The following SH3GL1 variants were observed in gnomAD, a reference collection of about 807,000 sequenced individuals.
SH3GL1 encodes SH3 domain containing GRB2 like 1, endophilin A2, also known as endophilin-A2.
A neutral mutation model predicts 48.8 loss-of-function variants in SH3GL1; 21 were observed. The observed-to-expected ratio is 0.43, with a 90% CI of 0.30 to 0.62. The LOEUF is 0.62. Ranked by LOEUF, SH3GL1 falls within the 20% of genes least tolerant of loss-of-function variation. SH3GL1 has a pLI of 0.11. For missense variants in SH3GL1, 454 were observed against 503.0 expected (o/e 0.90, Z 0.93); for synonymous variants, 282 against 217.5 (o/e 1.30, Z -2.61).
intron 1 of SH3GL1, among the ~76,000 whole-genome samples, chr19:4,375,898 T>C (rs561319004): frequency 8.5e-5 from 13 of 152,336 alleles, no homozygotes; most frequent in African/African-American, 2.9e-4. Context: ...ATGGAGGATC[T>C]GCGTCCAGGG....
At position 4,389,082 on chromosome 19, in the gene SH3GL1, C is replaced by A. The variant is rs1323048813; in HGVS notation, c.45+11242G>T. ...GCCACCACCAGGGACACCACAGGGG[C>A]CCTGTGGAGGACAGCCCCTCACTCT... On this transcript the variant is annotated intron_variant, in intron 1 of 9. Transcript: ENST00000269886. The surrounding 1 kb of genome is among the most constrained non-coding windows in gnomAD (Gnocchi z 4.5). Among the ~76,000 whole-genome samples, 1 of 152,182 alleles carries A rather than the reference C, an allele frequency of 6.6e-6. No individual in the cohort carries two copies. The highest frequency in any genetic ancestry group is 1.5e-5 in the Non-Finnish European group (1 of 68,014).
In SH3GL1 at chr19:4,364,162, G is replaced by A. The variant is rs779835040; in HGVS notation, c.391C>T (p.Leu131=). ...AAGTTCTGCTTGACCTCGATGTCCA[G>A]GGAGTCCTTCACCTCTGCCAGGCGC... is the stretch of plus-strand genomic sequence containing the variant. The part of the protein sequence containing the change: ...MKRLAEVKDS[L]DIEVKQNFID... The change falls in exon 5 of 10, where the codon CTG becomes TTG. Residue 131 remains leucine, a synonymous_variant. Transcript: ENST00000269886. 3.7e-6 allele frequency: 6 copies of A among 1,613,958 alleles called. No individual in the cohort carries two copies. In the South Asian group the frequency reaches 6.6e-5, roughly 18 times the overall value.
rs1055201190 is a variant in SH3GL1, at chr19:4,376,254, T to C, written c.46-9260A>G. ...ATTTCTTTGTGACTGTGGGCCACCA[T>C]GGGCATGAGTCACCTGTCACCAGAG... is the stretch of plus-strand genomic sequence containing the variant. On this transcript the variant is annotated intron_variant, in intron 1 of 9. Transcript: ENST00000269886. The surrounding 1 kb of genome is among the most constrained non-coding windows in gnomAD (Gnocchi z 4.3). Among the ~76,000 whole-genome samples the C allele has an allele frequency of 6.6e-5, 10 of 152,188 alleles. No individual in the cohort carries two copies. The highest frequency in any genetic ancestry group is 5.9e-4 in the Admixed American group (9 of 15,284).
chr19:4,381,153 G>C (rs1973115769), intron 1 of SH3GL1, among the ~76,000 whole-genome samples: 1 of 92,366 alleles, frequency 1.1e-5, no homozygotes, highest in Admixed American at 1.5e-4. Context: ...CTGTTCCCCT[G>C]CCTCTGTCTC....
At chr19:4,391,893 A>G (rs1333625543) in intron 1 of SH3GL1, among the ~76,000 whole-genome samples, 4 of 152,222 alleles carry the variant, frequency 2.6e-5, no homozygotes, top group Non-Finnish European at 5.9e-5. Context: ...GCCGGCTCCA[A>G]TGCCTCAAGG....
chr19:4,362,510 G>C, intron 8 of SH3GL1, 102 bp downstream of exon 8: 1 of 1,580,310 alleles, frequency 6.3e-7, no homozygotes, highest in Non-Finnish European at 8.6e-7. Context: ...GCTGAGAGCT[G>C]CACCCAGGAG....
chr19:4,368,729 G>A (rs1468713918), intron 1 of SH3GL1, among the ~76,000 whole-genome samples: 1 of 152,164 alleles, frequency 6.6e-6, no homozygotes, highest in Non-Finnish European at 1.5e-5. Flanking sequence ...CCTGCCTGTG[G>A]GTTGGTGGCT....
intron 1 of SH3GL1, among the ~76,000 whole-genome samples, chr19:4,395,302 A>G (rs2144928774): frequency 6.6e-6 from 1 of 152,340 alleles, no homozygotes; most frequent in South Asian, 2.1e-4. Flanking sequence ...CTTTTGAATT[A>G]AAGGTTCACA....
intron 1 of SH3GL1, among the ~76,000 whole-genome samples, chr19:4,381,665 G>C (rs1420439231): frequency 1.6e-4 from 8 of 49,630 alleles, no homozygotes; most frequent in African/African-American, 3.4e-4. Flanking sequence ...CATTTCCCCC[G>C]CCTCTCTGTC....
At chr19:4,364,294 G>GT in intron 4 of SH3GL1, 73 bp from the exon 5 acceptor site, 1 of 1,583,128 alleles carries the variant, frequency 6.3e-7, no homozygotes, top group Non-Finnish European at 8.7e-7. Context: ...CTCAGCCTTT[G>GT]TTTTTGAAAT....
chr19:4,376,993 G>T lies in SH3GL1; in HGVS notation c.46-9999C>A, dbSNP rs1973021686. 6.6e-6 allele frequency among the ~76,000 whole-genome samples: 1 copy of T among 152,220 alleles called. No individual in the cohort carries two copies. Among genetic ancestry groups the T allele is most frequent in the African/African-American group, 2.4e-5 (1 of 41,464 alleles). On this transcript the variant is annotated intron_variant, in intron 1 of 9. Coordinates refer to ENST00000269886, the MANE Select transcript of SH3GL1 (RefSeq NM_003025.4). This position sits in a 1 kb window ranked among gnomAD's most constrained non-coding sequence, Gnocchi z 4.3. ...GCAGTGACCCGGAAGGCAGCCAGAT[G>T]ATACTCCTCCCATCACCTTCCCTTT... is the stretch of plus-strand genomic sequence containing the variant.
At position 4,363,521 on chromosome 19, in the gene SH3GL1, G is replaced by A. The variant is rs373754229; in HGVS notation, c.625-48C>T. The A allele has an allele frequency of 3.2e-4, 497 of 1,557,810 alleles. 4 individuals are homozygous for A. The South Asian group carries it at 5.3e-3, about 16-fold the overall frequency. The stretch of plus-strand genomic sequence containing the variant: ...GGGCTCCTGCCAGTGCCACTGTCCT[G>A]TGCCTTCCCTGACTCCCGAGGTGAA... On this transcript the variant is annotated intron_variant, in intron 6 of 9. Transcript: ENST00000269886.
intron 1 of SH3GL1, among the ~76,000 whole-genome samples, chr19:4,385,199 GGCGCAGTGAACGT>G (rs1423825186): frequency 2.0e-5 from 3 of 152,156 alleles, no homozygotes; most frequent in East Asian, 1.9e-4. Flanking sequence ...TGCGTGTTTT[GGCGCAGTGAACGT>G]GCGCAGTGAA....
chr19:4,365,421 G>A, intron 4 of SH3GL1, 61 bp downstream of exon 4: 3 of 1,605,240 alleles, frequency 1.9e-6, no homozygotes, highest in Non-Finnish European at 2.6e-6. Flanking sequence ...GACCTGCCCT[G>A]CCTGTGTTGA....
At chr19:4,371,813 CGCTGT>C (rs1408236557) in intron 1 of SH3GL1, among the ~76,000 whole-genome samples, 2 of 152,144 alleles carry the variant, frequency 1.3e-5, no homozygotes, top group Non-Finnish European at 2.9e-5. Context: ...TGGTGCTGCA[CGCTGT>C]GCTACAGAGC....
At position 4,364,205 on chromosome 19, in the gene SH3GL1, A is replaced by C. The variant is rs1972708328; in HGVS notation, c.348T>G (p.Asp116Glu). The change falls in exon 5 of 10, where the codon GAT (aspartate) becomes GAG (glutamate). Residue 116 changes from aspartate (D) to glutamate (E), a missense_variant. Asp to Glu is a conservative substitution (Grantham distance 45). Transcript: ENST00000269886. ...GESNFGDALL[D>E]AGESMKRLAE... ...CCAGGCGCTTCATGGACTCGCCGGC[A>C]TCCAGCAATGCGTCACCTGTGGAGA... is the stretch of plus-strand genomic sequence containing the variant. 2 of 1,613,910 alleles carry C rather than the reference A, an allele frequency of 1.2e-6. No homozygotes were observed. Among genetic ancestry groups the C allele is most frequent in the Non-Finnish European group, 1.7e-6 (2 of 1,180,038 alleles).
Position 4,365,488 on chromosome 19 carries a change from T to G in SH3GL1, c.325A>C (p.Asn109His), listed in dbSNP as rs762848850. ...RHGKELGGES[N>H]FGDALLDAGE... ...TCCAGAGAGCACCACTCACCAAAGT[T>G]GGACTCGCCGCCCAGCTCCTTCCCG... Residue 109 changes from asparagine to histidine, a missense_variant, in exon 4 of 10, where the codon AAC becomes CAC. This residue lies in a region of SH3GL1 where 176 missense variants were observed against 256.2 expected (regional missense o/e 0.69). Transcript: ENST00000269886. The G allele has an allele frequency of 6.2e-7, 1 of 1,613,668 alleles. No individual in the cohort carries two copies. The highest frequency in any genetic ancestry group is 8.5e-7 in the Non-Finnish European group (1 of 1,180,016).
In SH3GL1 at chr19:4,364,216, C is replaced by T. The variant is rs757104640; in HGVS notation, c.337G>A (p.Ala113Thr). 6.8e-6 allele frequency: 11 copies of T among 1,613,792 alleles called. No homozygotes were observed. The highest frequency in any genetic ancestry group is 1.6e-4 in the Middle Eastern group (1 of 6,084). Residue 113 changes from alanine (A) to threonine (T), a missense_variant, in exon 5 of 10, where the codon GCA becomes ACA. Physicochemically the swap from Ala to Thr is moderately conservative, Grantham distance 58. Transcript: ENST00000269886. ...ELGGESNFGD[A>T]LLDAGESMKR... Reference sequence around the variant, plus strand: ...ATGGACTCGCCGGCATCCAGCAATGCGTCACCTGTGGAGAAGTGGTGGGGG... The same window carrying T: ...ATGGACTCGCCGGCATCCAGCAATGTGTCACCTGTGGAGAAGTGGTGGGGG...
intron 1 of SH3GL1, among the ~76,000 whole-genome samples, chr19:4,391,926 G>T (rs902097923): frequency 2.0e-5 from 3 of 152,220 alleles, no homozygotes; most frequent in African/African-American, 7.2e-5. Flanking sequence ...CATGCCGCAC[G>T]TTCCTGGATT....
Sources: gnomAD v4.1 joint callset for allele counts (sites outside exome capture counted in the v4.1 genomes callset) on GRCh38, gnomAD v4.1.1 for gene constraint, gnomAD v4.1.1 regional missense constraint, Gnocchi (gnomAD v3.1) non-coding constraint, MANE v1.5 for transcripts, NCBI Gene and HGNC (gene_info 2026-07-23, HGNC 2026-07-21) for gene names.